The following GAPDH variants were observed in gnomAD, a reference collection of about 807,000 sequenced individuals.
GAPDH encodes OCAS, p38 component.
A neutral mutation model predicts 31.2 loss-of-function variants in GAPDH; 13 were observed. The ratio of observed to expected loss-of-function variants is 0.42; its 90% CI spans 0.27 to 0.66. GAPDH has a LOEUF of 0.66. Ranked by LOEUF, GAPDH falls within the 30% of genes least tolerant of loss-of-function variation. The pLI is 0.26. For synonymous variants in GAPDH, 211 were observed against 166.9 expected (o/e 1.26, Z -2.04); for missense variants, 300 against 443.7 (o/e 0.68, Z 2.91).
chr12:6,537,760 T>C lies in GAPDH; in HGVS notation c.702T>C (p.Arg234=). 6.2e-7 allele frequency: 1 copy of C among 1,611,796 alleles called. No homozygotes were observed. Among genetic ancestry groups the C allele is most frequent in the Non-Finnish European group, 8.5e-7 (1 of 1,179,850 alleles). ...GGAAGCTCACTGGCATGGCCTTCCG[T>C]GTCCCCACTGCCAACGTGTCAGTGG... ...LNGKLTGMAF[R]VPTANVSVVD... is the part of the protein sequence containing the mutation. Residue 234 remains arginine (R), a synonymous_variant, in exon 8 of 9, where the codon CGT becomes CGC. Coordinates refer to ENST00000229239, the MANE Select transcript of GAPDH (RefSeq NM_002046.7). The surrounding 1 kb of genome is among the most constrained non-coding windows in gnomAD (Gnocchi z 4.9).
At position 6,537,041 on chromosome 12, in the gene GAPDH, G is replaced by C. The variant is rs375460941; in HGVS notation, c.327+31G>C. The stretch of plus-strand genomic sequence containing the variant: ...TGCAGGAGGGCCCGCGGGAGGGGAA[G>C]CTGACTCAGCCCTGCAAAGGCAGGA... On this transcript the variant is annotated intron_variant, in intron 5 of 8. Transcript: ENST00000229239. The surrounding 1 kb of genome is among the most constrained non-coding windows in gnomAD (Gnocchi z 4.9). The C allele has an allele frequency of 2.0e-5, 32 of 1,607,950 alleles. No individual in the cohort carries two copies. Among genetic ancestry groups the C allele is most frequent in the Non-Finnish European group, 2.5e-5 (29 of 1,176,864 alleles).
At position 6,538,239 on chromosome 12, in the gene GAPDH, C is replaced by G; in HGVS notation, c.*69C>G. The G allele has an allele frequency of 8.0e-7, 1 of 1,253,328 alleles. No individual in the cohort carries two copies. The highest frequency in any genetic ancestry group is 1.2e-6 in the Non-Finnish European group (1 of 867,802). The allele number at this position is 1,253,328 out of a possible 1,614,324, so 77.6% of individuals were successfully genotyped here. A position where few individuals can be genotyped will look rare whatever the true frequency, so the allele number is the denominator to read the frequency against. On this transcript the variant is annotated 3_prime_UTR_variant, in exon 9 of 9. Coordinates refer to ENST00000229239, the MANE Select transcript of GAPDH (RefSeq NM_002046.7). ...AGAGACCCTCACTGCTGGGGAGTCC[C>G]TGCCACACTCAGTCCCCCACCACAC...
At chr12:6,535,320 G>A (rs1455105384) in intron 2 of GAPDH, 1 of 997,926 alleles carries the variant, frequency 1.0e-6, no homozygotes, top group Non-Finnish European at 1.2e-6. Context: ...GGAAGGAAAT[G>A]AATGGGCAGC....
chr12:6,535,855 G>T (rs1946451531), intron 2 of GAPDH, among the ~76,000 whole-genome samples: 1 of 152,092 alleles, frequency 6.6e-6, no homozygotes, highest in Non-Finnish European at 1.5e-5. Context: ...CCTGGGCTGG[G>T]GCTCTCTCCC....
At chr12:6,536,424 T>C in intron 2 of GAPDH, 70 bp from the exon 3 acceptor site, 3 of 1,104,884 alleles carry the variant, frequency 2.7e-6, no homozygotes, top group East Asian at 2.4e-5. Flanking sequence ...AATGGGGAGG[T>C]GGCCTAGGGC....
intron 4 of GAPDH, 52 bp from the exon 5 acceptor site, chr12:6,536,868 A>C (rs569921809): frequency 6.3e-7 from 1 of 1,589,348 alleles, no homozygotes; most frequent in Admixed American, 1.7e-5. Context: ...GTATATGGTA[A>C]CCTTGTGTCC....
At chr12:6,535,104 A>G in intron 2 of GAPDH, 1 of 768,724 alleles carries the variant, frequency 1.3e-6, no homozygotes, top group Non-Finnish European at 1.9e-6. Context: ...CAGAAACAGG[A>G]GGTCCCTACT....
Position 6,537,309 on chromosome 12 carries a change from C to T in GAPDH, c.444C>T (p.Ser148=). The T allele has an allele frequency of 6.2e-7, 1 of 1,611,246 alleles. No individual in the cohort carries two copies. The highest frequency in any genetic ancestry group is 8.5e-7 in the Non-Finnish European group (1 of 1,179,874). Residue 148 remains serine (S), a splice_region_variant and synonymous_variant, in exon 7 of 9, where the codon AGC becomes AGT. Transcript: ENST00000229239. This position sits in a 1 kb window ranked among gnomAD's most constrained non-coding sequence, Gnocchi z 4.9. ...CGCCCCGCTCCCTCTTTCTTTGCAG[C>T]AATGCCTCCTGCACCACCAACTGCT... ...EKYDNSLKII[S]NASCTTNCLA...
chr12:6,536,624 G>T, intron 3 of GAPDH, 31 bp downstream of exon 3: 1 of 1,608,016 alleles, frequency 6.2e-7, no homozygotes, highest in Non-Finnish European at 8.5e-7. Flanking sequence ...CCCAAAGCTG[G>T]TGTGGGAGGA....
At chr12:6,536,848 G>T (rs780109655) in intron 4 of GAPDH, 58 bp downstream of exon 4, 1 of 1,574,166 alleles carries the variant, frequency 6.4e-7, no homozygotes, top group Non-Finnish European at 8.7e-7. Context: ...GGATGGTGTG[G>T]CTCCCTTGGG....
chr12:6,536,785 C>T lies in GAPDH; in HGVS notation c.231C>T (p.Phe77=), dbSNP rs1485506997. Reference sequence around the variant, plus strand: ...TCAATGGAAATCCCATCACCATCTTCCAGGAGTGAGTGGAAGACAGAATGG... The same window carrying T: ...TCAATGGAAATCCCATCACCATCTTTCAGGAGTGAGTGGAAGACAGAATGG... The part of the protein sequence containing the change: ...LVINGNPITI[F]QERDPSKIKW... The change falls in exon 4 of 9, where the codon TTC becomes TTT. Residue 77 remains phenylalanine (F), a synonymous_variant. Transcript: ENST00000229239. The T allele has an allele frequency of 6.2e-7, 1 of 1,613,120 alleles. No homozygotes were observed. The highest frequency in any genetic ancestry group is 8.5e-7 in the Non-Finnish European group (1 of 1,179,096).
chr12:6,534,803 C>A lies in GAPDH; in HGVS notation c.-23-7C>A. On this transcript the variant is annotated splice_polypyrimidine_tract_variant and splice_region_variant and intron_variant, in intron 1 of 8. Coordinates refer to ENST00000229239, the MANE Select transcript of GAPDH (RefSeq NM_002046.7). ...CTAGGCGCTCACTGTTCTCTCCCTC[C>A]GCGCAGCCGAGCCACATCGCTCAGA... 1 of 1,611,132 alleles carries A rather than the reference C, an allele frequency of 6.2e-7. No individual in the cohort carries two copies.
chr12:6,535,088 A>G (rs1012018503), intron 2 of GAPDH: 9 of 769,680 alleles, frequency 1.2e-5, no homozygotes, highest in Non-Finnish European at 1.7e-5. Context: ...TCCTTCCCCT[A>G]GTCCCCAGAA....
chr12:6,537,144 CCT>C lies in GAPDH; in HGVS notation c.374_375del (p.Ser125CysfsTer2). On this transcript the variant is annotated frameshift_variant, in exon 6 of 9. Coordinates refer to ENST00000229239, the MANE Select transcript of GAPDH (RefSeq NM_002046.7). LOFTEE classifies it high-confidence loss of function. The surrounding 1 kb of genome is among the most constrained non-coding windows in gnomAD (Gnocchi z 4.9). ...GCCAAAAGGGTCATCATCTCTGCCCCCTCTGCTGATGCCCCCATGTTCGTCAT... is the reference window on the plus strand; with the variant it reads ...GCCAAAAGGGTCATCATCTCTGCCCCCTGCTGATGCCCCCATGTTCGTCAT... 6.2e-7 allele frequency: 1 copy of C among 1,613,934 alleles called. No individual in the cohort carries two copies. The highest frequency in any genetic ancestry group is 8.5e-7 in the Non-Finnish European group (1 of 1,179,990).
chr12:6,535,443 G>A (rs1421037254), intron 2 of GAPDH: 2 of 987,750 alleles, frequency 2.0e-6, no homozygotes, highest in Non-Finnish European at 2.4e-6. Context: ...TCTCCTCCGG[G>A]TGATGCTTTT....
Position 6,537,089 on chromosome 12 carries a change from T to G in GAPDH, c.328-12T>G, listed in dbSNP as rs1946488792. 6.2e-7 allele frequency: 1 copy of G among 1,609,568 alleles called. No individual in the cohort carries two copies. The highest frequency in any genetic ancestry group is 1.1e-5 in the South Asian group (1 of 89,258). ...GGACCCGGGTTCATAACTGTCTGCT[T>G]CTCTGCTGTAGGCTCATTTGCAGGG... On this transcript the variant is annotated splice_polypyrimidine_tract_variant and intron_variant, in intron 5 of 8. Coordinates refer to ENST00000229239, the MANE Select transcript of GAPDH (RefSeq NM_002046.7). This position sits in a 1 kb window ranked among gnomAD's most constrained non-coding sequence, Gnocchi z 4.9.
chr12:6,536,462 C>T (rs375375990), intron 2 of GAPDH, 32 bp from the exon 3 acceptor site: 2 of 1,531,466 alleles, frequency 1.3e-6, no homozygotes, highest in Admixed American at 1.7e-5. Context: ...GGAGCCTCCC[C>T]TCCTCATGCC....
chr12:6,536,441 C>G, intron 2 of GAPDH, 53 bp from the exon 3 acceptor site: 1 of 1,336,322 alleles, frequency 7.5e-7, no homozygotes, highest in Non-Finnish European at 1.1e-6. Flanking sequence ...GGGCTGCTCA[C>G]ATATTCTGGA....
In GAPDH at chr12:6,534,545, G is replaced by A. The variant is rs1346258090; in HGVS notation, c.-48G>A. 1 of 507,126 alleles carries A rather than the reference G, an allele frequency of 2.0e-6. No individual in the cohort carries two copies. Among genetic ancestry groups the A allele is most frequent in the Non-Finnish European group, 3.5e-6 (1 of 282,602 alleles). The allele number at this position is 507,126 out of a possible 1,614,324, so 31.4% of individuals were successfully genotyped here. The stretch of plus-strand genomic sequence containing the variant: ...CTCTGCTCCTCCTGTTCGACAGTCA[G>A]CCGCATCTTCTTTTGCGTCGCCAGG... On this transcript the variant is annotated 5_prime_UTR_variant, in exon 1 of 9. Coordinates refer to ENST00000229239, the MANE Select transcript of GAPDH (RefSeq NM_002046.7).
Sources: gnomAD v4.1 joint callset for allele counts (sites outside exome capture counted in the v4.1 genomes callset) on GRCh38, gnomAD v4.1.1 for gene constraint, Gnocchi (gnomAD v3.1) non-coding constraint, MANE v1.5 for transcripts, NCBI Gene and HGNC (gene_info 2026-07-23, HGNC 2026-07-21) for gene names.